Variants in DDX43 observed in about 807,000 individuals in gnomAD.
DDX43 encodes the protein probable ATP-dependent RNA helicase DDX43.
Under a neutral mutation model 84.9 loss-of-function variants are expected in DDX43, and 50 were observed. The ratio of observed to expected loss-of-function variants is 0.59; its 90% CI spans 0.47 to 0.75. The LOEUF is 0.75. DDX43 is among the 30% of genes least tolerant of loss of function. DDX43 has a pLI of 0.00. For synonymous variants in DDX43, 291 were observed against 266.3 expected (o/e 1.09, Z -0.90); for missense variants, 689 against 798.6 (o/e 0.86, Z 1.65).
chr6:73,400,855 AAGT>A (rs1247147329), intron 3 of DDX43, among the ~76,000 whole-genome samples: 3 of 152,246 alleles, frequency 2.0e-5, no homozygotes, highest in African/African-American at 7.2e-5. Context: ...TGCAATGTGA[AAGT>A]AGAATAGAGA....
rs534002656 is a variant in DDX43, at chr6:73,404,704, A to G, written c.583A>G (p.Lys195Glu). The part of the protein sequence containing the change: ...KTKWADLPPI[K>E]KNFYKESTAT... Reference sequence around the variant, plus strand: ...CTTTGTCCCAGATTTACCACCAATTAAGAAAAACTTTTATAAAGAGTCCAC... The same window carrying G: ...CTTTGTCCCAGATTTACCACCAATTGAGAAAAACTTTTATAAAGAGTCCAC... The change falls in exon 5 of 17, where the codon AAG becomes GAG. Residue 195 changes from lysine to glutamate, a missense_variant. By Grantham distance (56) the Lys-to-Glu change is moderately conservative (BLOSUM62 1). This residue lies in a region of DDX43 where 552 missense variants were observed against 692.7 expected (regional missense o/e 0.80). Transcript: ENST00000370336. 6.2e-7 allele frequency: 1 copy of G among 1,612,002 alleles called. No individual in the cohort carries two copies. The highest frequency in any genetic ancestry group is 1.3e-5 in the African/African-American group (1 of 74,956).
At chr6:73,396,401 A>G (rs957602669) in intron 1 of DDX43, among the ~76,000 whole-genome samples, 2 of 152,188 alleles carry the variant, frequency 1.3e-5, no homozygotes, top group Admixed American at 1.3e-4. Flanking sequence ...GCTGCTACAA[A>G]ATAGTGCATT....
chr6:73,399,253 A>G (rs1185978195), intron 2 of DDX43, among the ~76,000 whole-genome samples: 1 of 152,168 alleles, frequency 6.6e-6, no homozygotes, highest in African/African-American at 2.4e-5. Flanking sequence ...GGCTAGAACA[A>G]TCATTTTAAA....
At chr6:73,402,177 G>A (rs1769587414) in intron 4 of DDX43, among the ~76,000 whole-genome samples, 187 bp downstream of exon 4, 1 of 152,146 alleles carries the variant, frequency 6.6e-6, no homozygotes, top group Admixed American at 6.6e-5. Flanking sequence ...TGCTGTAGGG[G>A]AAATATTAAA....
intron 1 of DDX43, among the ~76,000 whole-genome samples, chr6:73,397,251 T>C (rs985144449): frequency 6.6e-6 from 1 of 152,234 alleles, no homozygotes; most frequent in Non-Finnish European, 1.5e-5. Context: ...TCCTACCAGA[T>C]GTGAGGTGAC....
chr6:73,395,484 C>A (rs936196481), intron 1 of DDX43, among the ~76,000 whole-genome samples: 1 of 151,810 alleles, frequency 6.6e-6, no homozygotes, highest in Non-Finnish European at 1.5e-5. Flanking sequence ...CGTGGTGGCG[C>A]GCGCCTGTAA....
chr6:73,406,268 C>T (rs899405282), intron 6 of DDX43, 96 bp from the exon 7 acceptor site: 24 of 774,242 alleles, frequency 3.1e-5, no homozygotes, highest in Non-Finnish European at 4.7e-5. Context: ...GAGATCTGCC[C>T]GCCTCGGCCT....
intron 9 of DDX43, among the ~76,000 whole-genome samples, chr6:73,408,470 C>G (rs1769721129): frequency 6.6e-6 from 1 of 152,106 alleles, no homozygotes; most frequent in South Asian, 2.1e-4. Context: ...TTTTATTTCT[C>G]TTCCCTCCCC....
intron 14 of DDX43, among the ~76,000 whole-genome samples, 197 bp from the exon 15 acceptor site, chr6:73,415,300 A>T (rs756814294): frequency 6.6e-6 from 1 of 152,008 alleles, no homozygotes; most frequent in East Asian, 1.9e-4. Flanking sequence ...TCCATCTCAA[A>T]AAATAAATAA....
chr6:73,395,269 C>A (rs1298337769), intron 1 of DDX43, 114 bp downstream of exon 1: 5 of 1,290,462 alleles, frequency 3.9e-6, no homozygotes, highest in Non-Finnish European at 5.2e-6. Flanking sequence ...TAGTGAGGTT[C>A]AGGTCTCTCC....
At chr6:73,405,505 G>A (rs1769659129) in intron 5 of DDX43, among the ~76,000 whole-genome samples, 174 bp from the exon 6 acceptor site, 1 of 152,156 alleles carries the variant, frequency 6.6e-6, no homozygotes, top group South Asian at 2.1e-4. Context: ...TCTCAGATAA[G>A]AGACAGATGG....
rs114676490 is a variant in DDX43, at chr6:73,400,744, C to T, written c.436+381C>T. 2.4e-3 allele frequency among the ~76,000 whole-genome samples: 368 copies of T among 152,242 alleles called. 1 individual carries two copies. Among genetic ancestry groups the T allele is most frequent in the African/African-American group, 8.4e-3 (348 of 41,560 alleles). ...AGGATCCTAACCCTAGTCTTGTCTT[C>T]AGATTCATGGCTGACATTGAAAACT... On this transcript the variant is annotated intron_variant, in intron 3 of 16. Coordinates refer to ENST00000370336, the MANE Select transcript of DDX43 (RefSeq NM_018665.3).
chr6:73,408,214 C>T (rs1442821561), intron 9 of DDX43, 113 bp downstream of exon 9: 12 of 1,046,128 alleles, frequency 1.1e-5, no homozygotes, highest in Non-Finnish European at 1.5e-5. Flanking sequence ...GCAGGTGGAT[C>T]ACCTAAGGTC....
chr6:73,397,622 A>G, intron 1 of DDX43, 67 bp from the exon 2 acceptor site: 1 of 1,289,822 alleles, frequency 7.8e-7, no homozygotes, highest in Non-Finnish European at 1.1e-6. Flanking sequence ...TTGTTGAGGA[A>G]AATGGGTAAA....
chr6:73,405,500 G>A (rs553534856), intron 5 of DDX43, among the ~76,000 whole-genome samples, 179 bp from the exon 6 acceptor site: 3 of 152,254 alleles, frequency 2.0e-5, no homozygotes, highest in African/African-American at 7.2e-5. Context: ...ACTATTCTCA[G>A]ATAAGAGACA....
At chr6:73,411,068 C>T (rs1226137891) in intron 10 of DDX43, among the ~76,000 whole-genome samples, 2 of 148,116 alleles carry the variant, frequency 1.4e-5, no homozygotes, top group Admixed American at 6.9e-5. Flanking sequence ...CCCAGCTACT[C>T]GGGAGCCTGA....
intron 10 of DDX43, among the ~76,000 whole-genome samples, chr6:73,411,193 A>T (rs1562285572): frequency 1.3e-5 from 2 of 150,944 alleles, no homozygotes; most frequent in Non-Finnish European, 2.9e-5. Context: ...AAAAAAAAAA[A>T]AAAAAAATTT....
chr6:73,412,538 T>TG (rs1769807381), intron 11 of DDX43, among the ~76,000 whole-genome samples: 2 of 119,056 alleles, frequency 1.7e-5, no homozygotes, highest in Admixed American at 8.1e-5. Flanking sequence ...GTGTGTGTGT[T>TG]TGTGTCAGAG....
In DDX43 at chr6:73,395,092, G is replaced by T; in HGVS notation, c.187G>T (p.Ala63Ser). The T allele has an allele frequency of 6.2e-7, 1 of 1,614,140 alleles. No homozygotes were observed. Among genetic ancestry groups the T allele is most frequent in the Non-Finnish European group, 8.5e-7 (1 of 1,179,988 alleles). ...CTCTAGGCCCCCGGAGGCCGTGGCC[G>T]CTGGTCACGAGGAACTGCCGCTGTG... ...GTSRPPEAVA[A>S]GHEELPLCFA... Residue 63 changes from alanine to serine, a missense_variant, in exon 1 of 17, where the codon GCT becomes TCT. By Grantham distance (99) the Ala-to-Ser change is moderately conservative. Around this residue, in one of 2 missense-constraint regions of DDX43, gnomAD observed 137 missense variants for 105.9 expected, o/e 1.29. Transcript: ENST00000370336.
Sources: allele counts gnomAD v4.1 joint callset (sites outside exome capture counted in the v4.1 genomes callset), GRCh38; gene constraint gnomAD v4.1.1; regional missense constraint gnomAD v4.1.1; transcripts MANE v1.5; gene names NCBI Gene and HGNC (gene_info 2026-07-23, HGNC 2026-07-21).